The following TMEM82 variants were observed in gnomAD, a reference collection of about 807,000 sequenced individuals.
TMEM82 encodes transmembrane protein 82.
In TMEM82, 30 loss-of-function variants were observed where a neutral mutation model predicts 29.2. The observed-to-expected ratio is 1.03, with a 90% CI of 0.77 to 1.39. The LOEUF (loss-of-function observed/expected upper bound fraction) is 1.39, where lower values mean the gene tolerates loss of function less well. Among genes scored for constraint, TMEM82 ranks in the 40% most tolerant of loss-of-function variants. The pLI, the probability that TMEM82 is intolerant of heterozygous loss-of-function variation, is 0.00. For missense variants in TMEM82, 442 were observed against 447.7 expected (o/e 0.99, Z 0.12); for synonymous variants, 221 against 225.4 (o/e 0.98, Z 0.18).
At chr1:15,745,658 T>C (rs1278845057) in intron 4 of TMEM82, among the ~76,000 whole-genome samples, 12 of 151,718 alleles carry the variant, frequency 7.9e-5, no homozygotes, top group African/African-American at 2.9e-4. Context: ...TTTGGGAGGC[T>C]AAGGCAGGTG....
rs371807698 is a variant in TMEM82 at position 15,744,448 on chromosome 1, G to A, written c.625G>A (p.Ala209Thr). The part of the protein sequence containing the change: ...GLPQLLGRAL[A>T]IAFAVGDLAA... ...CCCCCAGCTGCTGGGCCGTGCCCTG[G>A]CCATAGCCTTTGCCGTGGGTGACCT... is the stretch of plus-strand genomic sequence containing the variant. The change falls in exon 4 of 6, where the codon GCC (alanine) becomes ACC (threonine). Residue 209 changes from alanine (A) to threonine (T), a missense_variant. Coordinates refer to ENST00000375782, the MANE Select transcript of TMEM82 (RefSeq NM_001013641.3). This position sits in a 1 kb window ranked among gnomAD's most constrained non-coding sequence, Gnocchi z 5.2. The A allele has an allele frequency of 6.2e-6, 10 of 1,604,430 alleles. No individual in the cohort carries two copies. In the African/African-American group the frequency reaches 1.2e-4, roughly 19 times the overall value.
chr1:15,746,472 G>A (rs968559939), intron 4 of TMEM82, among the ~76,000 whole-genome samples: 1 of 151,988 alleles, frequency 6.6e-6, no homozygotes, highest in Non-Finnish European at 1.5e-5. Context: ...CTTGGAAAGA[G>A]GAAGGTGGTT....
At position 15,744,598 on chromosome 1, in the gene TMEM82, T is replaced by G; in HGVS notation, c.757+18T>G. On this transcript the variant is annotated intron_variant, in intron 4 of 5. Coordinates refer to ENST00000375782, the MANE Select transcript of TMEM82 (RefSeq NM_001013641.3). The surrounding 1 kb of genome is among the most constrained non-coding windows in gnomAD (Gnocchi z 5.2). ...CATGCAGGGTGAGCGCTGCGGGGCCTGCTCCATTCAATCCACGCACATCCC... is the reference window on the plus strand; with the variant it reads ...CATGCAGGGTGAGCGCTGCGGGGCCGGCTCCATTCAATCCACGCACATCCC... The G allele has an allele frequency of 6.3e-7, 1 of 1,583,898 alleles. No homozygotes were observed. Among genetic ancestry groups the G allele is most frequent in the East Asian group, 2.3e-5 (1 of 44,410 alleles).
chr1:15,743,123 T>A lies in TMEM82; in HGVS notation c.265T>A (p.Ser89Thr), dbSNP rs773532009. The stretch of plus-strand genomic sequence containing the variant: ...GGCCCTGTTTCTGACGGTCGTGGGG[T>A]CCCGGGTGGCTGCCCTCGTGGTGCT... ...GLALFLTVVG[S>T]RVAALVVLEF... Residue 89 changes from serine (S) to threonine (T), a missense_variant, in exon 3 of 6, where the codon TCC becomes ACC. By Grantham distance (58) the Ser-to-Thr change is moderately conservative (BLOSUM62 1). Coordinates refer to ENST00000375782, the MANE Select transcript of TMEM82 (RefSeq NM_001013641.3). 14 of 1,611,740 alleles carry A rather than the reference T, an allele frequency of 8.7e-6. No homozygotes were observed. The East Asian group carries it at 2.7e-4, about 31-fold the overall frequency.
Position 15,747,579 on chromosome 1 carries a change from C to T in TMEM82, c.979C>T (p.Pro327Ser), listed in dbSNP as rs754256691. Residue 327 changes from proline to serine, a missense_variant, in exon 6 of 6, where the codon CCA becomes TCA. Physicochemically the swap from Pro to Ser is moderately conservative, Grantham distance 74. Transcript: ENST00000375782. ...FPSQRPPVST[P>S]SQPLPSAPQS... is the part of the protein sequence containing the mutation. ...ATCCCAGAGGCCTCCAGTGTCAACA[C>T]CAAGCCAGCCCCTGCCCTCGGCACC... The T allele has an allele frequency of 5.6e-6, 9 of 1,614,094 alleles. No individual in the cohort carries two copies. Among genetic ancestry groups the T allele is most frequent in the African/African-American group, 1.3e-5 (1 of 75,050 alleles).
chr1:15,746,680 G>A (rs1172576236), intron 4 of TMEM82, among the ~76,000 whole-genome samples, 187 bp from the exon 5 acceptor site: 1 of 152,152 alleles, frequency 6.6e-6, no homozygotes, highest in Non-Finnish European at 1.5e-5. Flanking sequence ...GGGCTGGGCA[G>A]TGAGTCCTGG....
Position 15,744,450 on chromosome 1 carries a change from C to T in TMEM82, c.627C>T (p.Ala209=), listed in dbSNP as rs1241737998. Reference sequence around the variant, plus strand: ...CCCAGCTGCTGGGCCGTGCCCTGGCCATAGCCTTTGCCGTGGGTGACCTGG... The same window carrying T: ...CCCAGCTGCTGGGCCGTGCCCTGGCTATAGCCTTTGCCGTGGGTGACCTGG... ...GLPQLLGRAL[A]IAFAVGDLAA... is the part of the protein sequence containing the mutation. The change falls in exon 4 of 6, where the codon GCC becomes GCT. Residue 209 remains alanine, a synonymous_variant. Transcript: ENST00000375782. The surrounding 1 kb of genome is among the most constrained non-coding windows in gnomAD (Gnocchi z 5.2). 1 of 1,605,542 alleles carries T rather than the reference C, an allele frequency of 6.2e-7. No homozygotes were observed. The highest frequency in any genetic ancestry group is 8.5e-7 in the Non-Finnish European group (1 of 1,176,800).
At chr1:15,746,755 G>T in intron 4 of TMEM82, 112 bp from the exon 5 acceptor site, 1 of 862,462 alleles carries the variant, frequency 1.2e-6, no homozygotes. Context: ...GATGTGATGG[G>T]AGGAGGGCTG....
Position 15,744,122 on chromosome 1 carries a change from G to A in TMEM82, c.337-38G>A. On this transcript the variant is annotated intron_variant, in intron 3 of 5. Transcript: ENST00000375782. This position sits in a 1 kb window ranked among gnomAD's most constrained non-coding sequence, Gnocchi z 5.2. ...GGTGGGCAGCACCTGTGGTGAGGCAGCCCCCACATCTCGGCCCCTCTTCGG... is the reference window on the plus strand; with the variant it reads ...GGTGGGCAGCACCTGTGGTGAGGCAACCCCCACATCTCGGCCCCTCTTCGG... 1 of 1,458,468 alleles carries A rather than the reference G, an allele frequency of 6.9e-7. No individual in the cohort carries two copies. The highest frequency in any genetic ancestry group is 1.4e-5 in the South Asian group (1 of 71,286). 90.3% of individuals were successfully genotyped at this position (1,458,468 alleles called of 1,614,324 possible).
Position 15,743,197 on chromosome 1 carries a change from G to A in TMEM82, c.336+3G>A. The A allele has an allele frequency of 1.2e-6, 2 of 1,605,004 alleles. No individual in the cohort carries two copies. Among genetic ancestry groups the A allele is most frequent in the Non-Finnish European group, 1.7e-6 (2 of 1,179,340 alleles). ...CCACGCTGCTGTCCCTGGGCAAGGT[G>A]AGGCCTCCGGGAAGGCAGTGGGTGG... On this transcript the variant is annotated splice_donor_region_variant and intron_variant, in intron 3 of 5. Coordinates refer to ENST00000375782, the MANE Select transcript of TMEM82 (RefSeq NM_001013641.3).
At chr1:15,742,774 T>C in intron 1 of TMEM82, 61 bp from the exon 2 acceptor site, 1 of 1,558,954 alleles carries the variant, frequency 6.4e-7, no homozygotes, top group Middle Eastern at 1.7e-4. Flanking sequence ...ACCCTACCAA[T>C]GAAGCCTGCC....
rs201753074 is a variant in TMEM82, at chr1:15,743,034, G to A, written c.176G>A (p.Arg59Gln). ...FVGCANDPQR[R>Q]PEKERLRAQW... ...TGTCCCCAAAGTGACCCGCAGCGGCGACCCGAAAAGGAGCGGCTTCGGGCC... is the reference window on the plus strand; with the variant it reads ...TGTCCCCAAAGTGACCCGCAGCGGCAACCCGAAAAGGAGCGGCTTCGGGCC... Residue 59 changes from arginine (R) to glutamine (Q), a missense_variant, in exon 3 of 6, where the codon CGA (arginine) becomes CAA (glutamine). By Grantham distance (43) the Arg-to-Gln change is conservative. Coordinates refer to ENST00000375782, the MANE Select transcript of TMEM82 (RefSeq NM_001013641.3). The A allele has an allele frequency of 6.3e-6, 10 of 1,599,010 alleles. No homozygotes were observed. The East Asian group carries it at 8.9e-5, about 14-fold the overall frequency.
intron 1 of TMEM82, 24 bp from the exon 2 acceptor site, chr1:15,742,811 G>GCTGCCTCC (rs1557671628): frequency 3.1e-6 from 5 of 1,606,456 alleles, no homozygotes; most frequent in Non-Finnish European, 4.3e-6. Context: ...ACGCTGCCTC[G>GCTGCCTCC]CTGCCTCCCT....
rs541541292 is a variant in TMEM82 at position 15,744,738 on chromosome 1, T to G, written c.757+158T>G. ...GCGGGGGCAGTGCAGAGAAGCAGCA[T>G]GTAGTGGGCACCCTGAGGTTGTAGT... On this transcript the variant is annotated intron_variant, in intron 4 of 5. Coordinates refer to ENST00000375782, the MANE Select transcript of TMEM82 (RefSeq NM_001013641.3). This position sits in a 1 kb window ranked among gnomAD's most constrained non-coding sequence, Gnocchi z 5.2. Among the ~76,000 whole-genome samples, 2 of 152,154 alleles carry G rather than the reference T, an allele frequency of 1.3e-5. No individual in the cohort carries two copies. Among genetic ancestry groups the G allele is most frequent in the Non-Finnish European group, 2.9e-5 (2 of 68,024 alleles).
In TMEM82 at chr1:15,744,398, G is replaced by A. The variant is rs527833067; in HGVS notation, c.575G>A (p.Gly192Asp). 4.4e-6 allele frequency: 7 copies of A among 1,576,564 alleles called. No individual in the cohort carries two copies. The African/African-American group carries it at 5.4e-5, about 12-fold the overall frequency. Reference protein sequence around the residue: ...SSQRYCGVCLGLLAHAHGLPQ... With the variant: ...SSQRYCGVCLDLLAHAHGLPQ... ...CAGCGCTACTGTGGGGTGTGCCTGG[G>A]CCTGCTGGCCCATGCACATGGCCTC... The change falls in exon 4 of 6, where the codon GGC (glycine) becomes GAC (aspartate). Residue 192 changes from glycine (G) to aspartate (D), a missense_variant. Gly to Asp is a moderately conservative substitution (Grantham distance 94, BLOSUM62 -1). Transcript: ENST00000375782. This position sits in a 1 kb window ranked among gnomAD's most constrained non-coding sequence, Gnocchi z 5.2.
intron 4 of TMEM82, 89 bp from the exon 5 acceptor site, chr1:15,746,778 A>C (rs891802509): frequency 8.9e-7 from 1 of 1,120,284 alleles, no homozygotes; most frequent in African/African-American, 1.5e-5. Flanking sequence ...CGGGAGGGGA[A>C]GGCTCATCCT....
chr1:15,744,332 T>C lies in TMEM82; in HGVS notation c.509T>C (p.Leu170Pro). 1 of 1,543,936 alleles carries C rather than the reference T, an allele frequency of 6.5e-7. No homozygotes were observed. The highest frequency in any genetic ancestry group is 8.7e-7 in the Non-Finnish European group (1 of 1,148,514). The change falls in exon 4 of 6, where the codon CTC becomes CCC. Residue 170 changes from leucine to proline, a missense_variant. Transcript: ENST00000375782. The surrounding 1 kb of genome is among the most constrained non-coding windows in gnomAD (Gnocchi z 5.2). ...CTGCTGGGCCTGGGTGCCCGGCGCC[T>C]CCACCGCCACGTCTGCCGCCTCTAC... ...ATLLGLGARR[L>P]HRHVCRLYEL...
chr1:15,747,634 C>T lies in TMEM82; in HGVS notation c.*2C>T. The T allele has an allele frequency of 3.1e-6, 5 of 1,613,670 alleles. No homozygotes were observed. Among genetic ancestry groups the T allele is most frequent in the Non-Finnish European group, 4.2e-6 (5 of 1,179,670 alleles). On this transcript the variant is annotated 3_prime_UTR_variant, in exon 6 of 6. Transcript: ENST00000375782. Reference sequence around the variant, plus strand: ...TCCCAGAGTTCGGCCCCCTCTTGACCTGCCTCAGGGAGGATCTGGAGTCTG... The same window carrying T: ...TCCCAGAGTTCGGCCCCCTCTTGACTTGCCTCAGGGAGGATCTGGAGTCTG...
At chr1:15,746,382 C>T (rs989469582) in intron 4 of TMEM82, among the ~76,000 whole-genome samples, 2 of 146,220 alleles carry the variant, frequency 1.4e-5, no homozygotes, top group African/African-American at 5.1e-5. Flanking sequence ...CACTGCACTC[C>T]AGCCTGGGCG....
Sources: allele counts gnomAD v4.1 joint callset (sites outside exome capture counted in the v4.1 genomes callset), GRCh38; gene constraint gnomAD v4.1.1; non-coding constraint Gnocchi (gnomAD v3.1); transcripts MANE v1.5; gene names NCBI Gene and HGNC (gene_info 2026-07-23, HGNC 2026-07-21).